MAML1: variants seen among roughly 807,000 people sequenced by gnomAD.
MAML1 encodes the protein mastermind-like protein 1.
Under a neutral mutation model 77.1 loss-of-function variants are expected in MAML1, and 14 were observed. That is an observed-to-expected ratio of 0.18 (90% CI 0.12 to 0.28). The LOEUF (loss-of-function observed/expected upper bound fraction) is 0.28. MAML1 is among the 10% of genes least tolerant of loss of function. The pLI is 1.00. For synonymous variants in MAML1, 516 were observed against 551.9 expected, an observed-to-expected ratio of 0.93 and a Z score of 0.91; for missense variants, 1,217 against 1,327.8, an observed-to-expected ratio of 0.92 and a Z score of 1.30.
At chr5:179,758,995 C>A (rs116535293) in intron 1 of MAML1, among the ~76,000 whole-genome samples, 1,986 of 150,088 alleles carry the variant, frequency 0.013, 45 homozygotes, top group African/African-American at 0.047. Context: ...AAGACTCCGA[C>A]TCAAAAAAAA....
At chr5:179,761,938 G>T (rs1268518213) in intron 1 of MAML1, among the ~76,000 whole-genome samples, 1 of 152,148 alleles carries the variant, frequency 6.6e-6, no homozygotes, top group East Asian at 1.9e-4. Flanking sequence ...GGCTCTAAGG[G>T]GTGGGAACTG....
chr5:179,748,330 C>T (rs921670446), intron 1 of MAML1, among the ~76,000 whole-genome samples: 1 of 152,098 alleles, frequency 6.6e-6, no homozygotes, highest in Admixed American at 6.6e-5. Flanking sequence ...GATCCACCCA[C>T]CTCAGCCTCT....
At chr5:179,767,562 T>C (rs1388279988) in intron 2 of MAML1, among the ~76,000 whole-genome samples, 3 of 152,208 alleles carry the variant, frequency 2.0e-5, no homozygotes, top group African/African-American at 4.8e-5. Context: ...ATCCAAGATA[T>C]TCATTGTGTG....
At chr5:179,768,247 G>A (rs1381580209) in intron 2 of MAML1, among the ~76,000 whole-genome samples, 4 of 152,122 alleles carry the variant, frequency 2.6e-5, no homozygotes, top group South Asian at 2.1e-4. Context: ...ACCTGAGGTC[G>A]GGAGTTCGAG....
In MAML1 at chr5:179,776,456, A is replaced by G. The variant is rs1756135433; in HGVS notation, c.*1579A>G. The G allele has an allele frequency of 2.0e-6, 2 of 985,702 alleles. No individual in the cohort carries two copies. Among genetic ancestry groups the G allele is most frequent in the Admixed American group, 1.2e-4 (2 of 16,262 alleles). The allele number at this position is 985,702 out of a possible 1,614,324, so 61.1% of individuals were successfully genotyped here. A position where few individuals can be genotyped will look rare whatever the true frequency, so the allele number is the denominator to read the frequency against. On this transcript the variant is annotated 3_prime_UTR_variant, in exon 5 of 5. Coordinates refer to ENST00000292599, the MANE Select transcript of MAML1 (RefSeq NM_014757.5). ...TTGGACCCTCAGATCTTCTTTTCTA[A>G]TAGCCATTTGCCACCCCAAGTGGTA... is the stretch of plus-strand genomic sequence containing the variant.
Position 179,771,087 on chromosome 5 carries a change from C to G in MAML1, c.1972-60C>G. The G allele has an allele frequency of 7.6e-7, 1 of 1,315,230 alleles. No homozygotes were observed. 81.5% of individuals were successfully genotyped at this position (1,315,230 alleles called of 1,614,324 possible). On this transcript the variant is annotated intron_variant, in intron 3 of 4. Transcript: ENST00000292599. This position sits in a 1 kb window ranked among gnomAD's most constrained non-coding sequence, Gnocchi z 4.7. ...TTACTTTTCTCTGACCTCCCTCACTCCCTTTGTTTTGGATTTTGTTATATG... is the reference window on the plus strand; with the variant it reads ...TTACTTTTCTCTGACCTCCCTCACTGCCTTTGTTTTGGATTTTGTTATATG...
chr5:179,766,513 C>G lies in MAML1; in HGVS notation c.1503C>G (p.Asn501Lys), dbSNP rs1779822707. The part of the protein sequence containing the change: ...SHQPPSNLNQ[N>K]SANNQGSVLD... ...AGCCACCGAGTAACTTGAATCAGAA[C>G]TCCGCGAATAACCAGGGGTCTGTGC... Residue 501 changes from asparagine to lysine, a missense_variant, in exon 2 of 5, where the codon AAC becomes AAG. Transcript: ENST00000292599. This position sits in a 1 kb window ranked among gnomAD's most constrained non-coding sequence, Gnocchi z 4.0. The G allele has an allele frequency of 6.2e-7, 1 of 1,603,336 alleles. No homozygotes were observed. The highest frequency in any genetic ancestry group is 1.1e-5 in the South Asian group (1 of 89,842).
Position 179,776,630 on chromosome 5 carries a change from C to T in MAML1, c.*1753C>T. ...AAGGGGAAGAGGGTGACCTCAGCGG[C>T]TTTTCTCCCAAAAATCGGCTGAAGG... On this transcript the variant is annotated 3_prime_UTR_variant, in exon 5 of 5. Coordinates refer to ENST00000292599, the MANE Select transcript of MAML1 (RefSeq NM_014757.5). 4 of 985,678 alleles carry T rather than the reference C, an allele frequency of 4.1e-6. No individual in the cohort carries two copies. The highest frequency in any genetic ancestry group is 4.8e-6 in the Non-Finnish European group (4 of 829,954). 61.1% of individuals were successfully genotyped at this position (985,678 alleles called of 1,614,324 possible).
chr5:179,748,677 T>C (rs150501853), intron 1 of MAML1, among the ~76,000 whole-genome samples: 22 of 152,350 alleles, frequency 1.4e-4, no homozygotes, highest in African/African-American at 3.6e-4. Context: ...AACTGTGTAC[T>C]TGTGCCTAGC....
In MAML1 at chr5:179,775,756, C is replaced by A; in HGVS notation, c.*879C>A. ...ACATGTATGTTGCCCATGGTGGGAG[C>A]GTGGTCACTGTGCAGTTGTGCACAG... On this transcript the variant is annotated 3_prime_UTR_variant, in exon 5 of 5. Transcript: ENST00000292599. 2 of 985,502 alleles carry A rather than the reference C, an allele frequency of 2.0e-6. No individual in the cohort carries two copies. The highest frequency in any genetic ancestry group is 2.4e-6 in the Non-Finnish European group (2 of 829,966). 61.0% of individuals were successfully genotyped at this position (985,502 alleles called of 1,614,324 possible). A position where few individuals can be genotyped will look rare whatever the true frequency, so the allele number is the denominator to read the frequency against.
rs1195186477 is a variant in MAML1, at chr5:179,774,536, C to T, written c.2710C>T (p.Pro904Ser). 2 of 1,612,890 alleles carry T rather than the reference C, an allele frequency of 1.2e-6. No homozygotes were observed. Among genetic ancestry groups the T allele is most frequent in the Non-Finnish European group, 1.7e-6 (2 of 1,179,964 alleles). The change falls in exon 5 of 5, where the codon CCC becomes TCC. Residue 904 changes from proline to serine, a missense_variant. By Grantham distance (74) the Pro-to-Ser change is moderately conservative. Transcript: ENST00000292599. ...SSAAAVGSLL[P>S]PVSAQQRTSA... ...AGCAGCTGCCGTGGGGTCCTTGCTACCCCCAGTGAGTGCACAGCAGAGGAC... is the reference window on the plus strand; with the variant it reads ...AGCAGCTGCCGTGGGGTCCTTGCTATCCCCAGTGAGTGCACAGCAGAGGAC...
intron 1 of MAML1, among the ~76,000 whole-genome samples, chr5:179,746,373 G>C (rs1286408106): frequency 6.6e-6 from 1 of 152,104 alleles, no homozygotes; most frequent in Non-Finnish European, 1.5e-5. Context: ...TTTAGTTATA[G>C]CAATGTTTTG....
rs777774533 is a variant in MAML1, at chr5:179,765,876, A to C, written c.866A>C (p.Gln289Pro). The change falls in exon 2 of 5, where the codon CAA becomes CCA. Residue 289 changes from glutamine to proline, a missense_variant. By Grantham distance (76) the Gln-to-Pro change is moderately conservative (BLOSUM62 -1). Coordinates refer to ENST00000292599, the MANE Select transcript of MAML1 (RefSeq NM_014757.5). The part of the protein sequence containing the change: ...KDPESSGSAT[Q>P]TPLAQDINIK... ...CCAGAGTCTTCTGGCTCTGCCACACAAACCCCCTTGGCACAGGACATTAAT... is the reference window on the plus strand; with the variant it reads ...CCAGAGTCTTCTGGCTCTGCCACACCAACCCCCTTGGCACAGGACATTAAT... 1.1e-5 allele frequency: 17 copies of C among 1,614,146 alleles called. 1 individual carries two copies. In the South Asian group the frequency reaches 1.8e-4, roughly 17 times the overall value.
chr5:179,747,808 C>CA (rs71001044), intron 1 of MAML1, among the ~76,000 whole-genome samples: 5 of 40,894 alleles, frequency 1.2e-4, no homozygotes, highest in African/African-American at 3.0e-4. Context: ...GACTCCATCT[C>CA]AAAAAAAAAA....
chr5:179,765,527 C>G lies in MAML1; in HGVS notation c.517C>G (p.Leu173Val). The G allele has an allele frequency of 5.6e-6, 9 of 1,614,078 alleles. No homozygotes were observed. The highest frequency in any genetic ancestry group is 7.6e-6 in the Non-Finnish European group (9 of 1,179,960). ...TGACAAGCCTTCTGGAGCCGACGCC[C>G]TGCAGTCCAGTGGGAAGCACTCTCT... ...QSDKPSGADA[L>V]QSSGKHSLGL... The change falls in exon 2 of 5, where the codon CTG (leucine) becomes GTG (valine). Residue 173 changes from leucine to valine, a missense_variant. Physicochemically the swap from Leu to Val is conservative, Grantham distance 32. Coordinates refer to ENST00000292599, the MANE Select transcript of MAML1 (RefSeq NM_014757.5).
At chr5:179,737,863 C>T (rs562764319) in intron 1 of MAML1, among the ~76,000 whole-genome samples, 5 of 152,122 alleles carry the variant, frequency 3.3e-5, no homozygotes, top group Non-Finnish European at 7.4e-5. Flanking sequence ...GTGGCGCGAT[C>T]GTGGGGCACT....
Position 179,773,891 on chromosome 5 carries a change from G to A in MAML1, c.2069-4G>A, listed in dbSNP as rs753436276. 74 of 1,610,970 alleles carry A rather than the reference G, an allele frequency of 4.6e-5. 1 individual carries two copies. In the South Asian group the frequency reaches 8.1e-4, roughly 18 times the overall value. ...TGACTGCCAGACTCTTCTCTGTCTT[G>A]TAGGGTCCTCTGCTGCCGTGCCCGG... is the stretch of plus-strand genomic sequence containing the variant. On this transcript the variant is annotated splice_region_variant and splice_polypyrimidine_tract_variant and intron_variant, in intron 4 of 4. Coordinates refer to ENST00000292599, the MANE Select transcript of MAML1 (RefSeq NM_014757.5).
In MAML1 at chr5:179,733,410, C is replaced by G. The variant is rs1779107098; in HGVS notation, c.298C>G (p.His100Asp). 1 of 1,112,622 alleles carries G rather than the reference C, an allele frequency of 9.0e-7. No individual in the cohort carries two copies. The highest frequency in any genetic ancestry group is 1.1e-6 in the Non-Finnish European group (1 of 915,290). The allele number at this position is 1,112,622 out of a possible 1,614,324, so 68.9% of individuals were successfully genotyped here. Residue 100 changes from histidine to aspartate, a missense_variant, in exon 1 of 5, where the codon CAC (histidine) becomes GAC (aspartate). Transcript: ENST00000292599. ...CCTGGACGCCGCTGACGGCCCCGAG[C>G]ACGGCCGCCCGGCCACGGTGAGTAG... ...PRLDAADGPE[H>D]GRPATHLHDT...
rs1043977077 is a variant in MAML1 at position 179,775,756 on chromosome 5, C to T, written c.*879C>T. 4.1e-6 allele frequency: 4 copies of T among 985,384 alleles called. No homozygotes were observed. The highest frequency in any genetic ancestry group is 1.1e-4 in the East Asian group (1 of 8,826). The allele number at this position is 985,384 out of a possible 1,614,324, so 61.0% of individuals were successfully genotyped here. A position where few individuals can be genotyped will look rare whatever the true frequency, so the allele number is the denominator to read the frequency against. On this transcript the variant is annotated 3_prime_UTR_variant, in exon 5 of 5. Transcript: ENST00000292599. The stretch of plus-strand genomic sequence containing the variant: ...ACATGTATGTTGCCCATGGTGGGAG[C>T]GTGGTCACTGTGCAGTTGTGCACAG...
Sources: allele counts gnomAD v4.1 joint callset (sites outside exome capture counted in the v4.1 genomes callset), GRCh38; gene constraint gnomAD v4.1.1; non-coding constraint Gnocchi (gnomAD v3.1); transcripts MANE v1.5; gene names NCBI Gene and HGNC (gene_info 2026-07-23, HGNC 2026-07-21).